The following SEMA5B variants were observed in gnomAD, a reference collection of about 807,000 sequenced individuals.
The protein encoded by SEMA5B is semaphorin-5B.
In SEMA5B, 66 loss-of-function variants were observed where a neutral mutation model predicts 135.0. The ratio of observed to expected loss-of-function variants is 0.49; its 90% CI spans 0.40 to 0.60. The LOEUF is 0.60. SEMA5B is among the 20% of genes least tolerant of loss of function. The pLI is 0.00. For synonymous variants in SEMA5B, 690 were observed against 639.5 expected (o/e 1.08, Z -1.19); for missense variants, 1,501 against 1,566.3 (o/e 0.96, Z 0.70).
At chr3:122,954,972 T>G (rs1484534115) in intron 2 of SEMA5B, among the ~76,000 whole-genome samples, 3 of 87,030 alleles carry the variant, frequency 3.4e-5, no homozygotes, top group Admixed American at 1.0e-4. Context: ...TGTTTTTTGT[T>G]TTTTTTTTTT....
chr3:122,929,013 T>C lies in SEMA5B; in HGVS notation c.520A>G (p.Ser174Gly), dbSNP rs1186905576. 5.0e-6 allele frequency: 8 copies of C among 1,612,474 alleles called. No individual in the cohort carries two copies. The highest frequency in any genetic ancestry group is 6.8e-6 in the Non-Finnish European group (8 of 1,180,018). The change falls in exon 6 of 23, where the codon AGC (serine) becomes GGC (glycine). Residue 174 changes from serine (S) to glycine (G), a missense_variant. Physicochemically the swap from Ser to Gly is moderately conservative, Grantham distance 56. Coordinates refer to ENST00000357599, the MANE Select transcript of SEMA5B (RefSeq NM_001031702.4). ...SSEDTRRSCQ[S>G]KGKTEEECQN... is the part of the protein sequence containing the mutation. ...CCACGTACCTCAGTCTTCCCTTTGCTTTGGCAGGAGCGGCGCGTGTCCTCA... is the reference window on the plus strand; with the variant it reads ...CCACGTACCTCAGTCTTCCCTTTGCCTTGGCAGGAGCGGCGCGTGTCCTCA...
chr3:122,928,992 G>A lies in SEMA5B; in HGVS notation c.537+4C>T, dbSNP rs1938802192. 5 of 1,611,982 alleles carry A rather than the reference G, an allele frequency of 3.1e-6. No homozygotes were observed. The highest frequency in any genetic ancestry group is 2.2e-5 in the East Asian group (1 of 44,888). ...GGGGCCCCTGGACCGCCGAGACCACGTACCTCAGTCTTCCCTTTGCTTTGG... is the reference window on the plus strand; with the variant it reads ...GGGGCCCCTGGACCGCCGAGACCACATACCTCAGTCTTCCCTTTGCTTTGG... On this transcript the variant is annotated splice_donor_region_variant and intron_variant, in intron 6 of 22. Coordinates refer to ENST00000357599, the MANE Select transcript of SEMA5B (RefSeq NM_001031702.4).
intron 1 of SEMA5B, among the ~76,000 whole-genome samples, chr3:122,983,259 AT>A (rs200457081): frequency 6.6e-6 from 1 of 151,808 alleles, no homozygotes; most frequent in Non-Finnish European, 1.5e-5. Context: ...CATCTCAAGG[AT>A]TTTTTTGGGG....
At chr3:122,961,735 C>G (rs1379122178) in intron 1 of SEMA5B, among the ~76,000 whole-genome samples, 1 of 152,140 alleles carries the variant, frequency 6.6e-6, no homozygotes, top group Non-Finnish European at 1.5e-5. Context: ...CCTCCTGCCT[C>G]TCTCTCTACA....
intron 3 of SEMA5B, among the ~76,000 whole-genome samples, chr3:122,945,564 AAT>A (rs1939747780): frequency 6.6e-6 from 1 of 152,040 alleles, no homozygotes; most frequent in South Asian, 2.1e-4. Context: ...AATGTGGTCA[AAT>A]ATTTTCTGTG....
intron 1 of SEMA5B, among the ~76,000 whole-genome samples, chr3:123,020,123 T>C (rs529782208): frequency 6.6e-6 from 1 of 152,224 alleles, no homozygotes; most frequent in Non-Finnish European, 1.5e-5. Flanking sequence ...GCACAAAGAT[T>C]AATGTGCAAG....
chr3:123,009,054 C>A (rs931924506), intron 1 of SEMA5B, among the ~76,000 whole-genome samples: 2 of 152,212 alleles, frequency 1.3e-5, no homozygotes, highest in African/African-American at 4.8e-5. Flanking sequence ...CAGTTTTCAA[C>A]GAGGCTGCAT....
intron 1 of SEMA5B, among the ~76,000 whole-genome samples, chr3:122,985,341 T>G (rs56185423): frequency 0.16 from 23,583 of 151,906 alleles, 1,943 homozygotes; most frequent in South Asian, 0.21. Flanking sequence ...TTAAAAAAAT[T>G]TTTTTTAAGA....
chr3:123,021,316 C>T (rs1231989717), intron 1 of SEMA5B, among the ~76,000 whole-genome samples: 1 of 152,182 alleles, frequency 6.6e-6, no homozygotes, highest in African/African-American at 2.4e-5. Context: ...GTGGATGAGG[C>T]CTCTCAGAGA....
chr3:122,991,255 C>G (rs1941868400), intron 1 of SEMA5B, among the ~76,000 whole-genome samples: 1 of 152,190 alleles, frequency 6.6e-6, no homozygotes, highest in African/African-American at 2.4e-5. Context: ...ACACAGAGCA[C>G]AAGCCTTTGC....
chr3:122,918,993 CTTTTTTTTT>C (rs63373262), intron 12 of SEMA5B, among the ~76,000 whole-genome samples: 53 of 80,354 alleles, frequency 6.6e-4, no homozygotes, highest in African/African-American at 2.1e-3. Context: ...ATCACCATGT[CTTTTTTTTT>C]TTTTTTTTTT....
chr3:122,956,342 C>T (rs1042028738), intron 2 of SEMA5B, among the ~76,000 whole-genome samples: 2 of 152,186 alleles, frequency 1.3e-5, no homozygotes, highest in African/African-American at 4.8e-5. Flanking sequence ...AGAGAATGCA[C>T]GCCCATGCAC....
intron 1 of SEMA5B, among the ~76,000 whole-genome samples, chr3:123,021,459 C>T (rs796876921): frequency 1.6e-4 from 25 of 152,122 alleles, no homozygotes; most frequent in African/African-American, 5.1e-4. Flanking sequence ...CTCAAGGCAC[C>T]GAAAGCAGGG....
At chr3:122,928,134 T>G (rs1938747509) in intron 7 of SEMA5B, 131 bp from the exon 8 acceptor site, 1 of 613,636 alleles carries the variant, frequency 1.6e-6, no homozygotes, top group Admixed American at 3.7e-5. Context: ...GTCATCTCAC[T>G]GCTCAGCTCA....
chr3:122,932,365 C>T (rs1226594663), intron 5 of SEMA5B, among the ~76,000 whole-genome samples: 3 of 148,236 alleles, frequency 2.0e-5, no homozygotes, highest in African/African-American at 7.4e-5. Context: ...GTCCAAACTG[C>T]ACCATTTTAA....
intron 5 of SEMA5B, among the ~76,000 whole-genome samples, chr3:122,930,830 A>G (rs1390084325): frequency 6.6e-6 from 1 of 152,236 alleles, no homozygotes; most frequent in Non-Finnish European, 1.5e-5. Context: ...AGAGAGGTGG[A>G]GCAAGTTGCC....
At chr3:122,987,938 G>C (rs1222028626) in intron 1 of SEMA5B, among the ~76,000 whole-genome samples, 2 of 151,996 alleles carry the variant, frequency 1.3e-5, no homozygotes, top group Non-Finnish European at 2.9e-5. Context: ...GCAAGTCACT[G>C]GTTACTTACC....
At chr3:122,924,617 A>G (rs778434831) in intron 9 of SEMA5B, among the ~76,000 whole-genome samples, 1 of 152,088 alleles carries the variant, frequency 6.6e-6, no homozygotes, top group Non-Finnish European at 1.5e-5. Flanking sequence ...GTCCTTTGGG[A>G]CATACCCTCC....
At chr3:122,997,844 CA>C (rs1942062362) in intron 1 of SEMA5B, among the ~76,000 whole-genome samples, 1 of 152,150 alleles carries the variant, frequency 6.6e-6, no homozygotes, top group Non-Finnish European at 1.5e-5. Flanking sequence ...GCCCCTGCCC[CA>C]CACCACCCAG....
Sources: gnomAD v4.1 joint callset for allele counts (sites outside exome capture counted in the v4.1 genomes callset) on GRCh38, gnomAD v4.1.1 for gene constraint, MANE v1.5 for transcripts, NCBI Gene and HGNC (gene_info 2026-07-23, HGNC 2026-07-21) for gene names.